ZNF134: variants seen among roughly 807,000 people sequenced by gnomAD.
ZNF134 encodes zinc finger protein 134.
A neutral mutation model predicts 2.5 loss-of-function variants in ZNF134; 5 were observed. The observed-to-expected ratio is 2.03, with a 90% CI of 1.06 to 4.27. ZNF134 has a LOEUF of 4.27. Ranked by LOEUF, ZNF134 falls within the 30% of genes most tolerant of loss-of-function variation. ZNF134 has a pLI of 0.00. For missense variants in ZNF134, 540 were observed against 517.5 expected (o/e 1.04, Z -0.42); for synonymous variants, 176 against 176.2 (o/e 1.00, Z 0.01).
At chr19:57,619,378 G>T in intron 1 of ZNF134, 34 bp from the exon 2 acceptor site, 1 of 1,516,960 alleles carries the variant, frequency 6.6e-7, no homozygotes, top group Admixed American at 2.0e-5. Context: ...CTCTCAGCCT[G>T]TTTCACCTTT....
chr19:57,620,701 C>T lies in ZNF134; in HGVS notation c.582C>T (p.His194=), dbSNP rs962438295. ...GCCGCAAAGACACACTTGTCCAGCACCAGAGAATTCATAGTGGAGAGAAGC... is the reference window on the plus strand; with the variant it reads ...GCCGCAAAGACACACTTGTCCAGCATCAGAGAATTCATAGTGGAGAGAAGC... ...AFSRKDTLVQ[H]QRIHSGEKPY... Residue 194 remains histidine (H), a synonymous_variant, in exon 3 of 3, where the codon CAC becomes CAT. Coordinates refer to ENST00000396161, the MANE Select transcript of ZNF134 (RefSeq NM_003435.5). 1.9e-6 allele frequency: 3 copies of T among 1,610,992 alleles called. No individual in the cohort carries two copies. The highest frequency in any genetic ancestry group is 2.5e-6 in the Non-Finnish European group (3 of 1,177,588).
chr19:57,621,287 C>T lies in ZNF134; in HGVS notation c.1168C>T (p.His390Tyr). Reference sequence around the variant, plus strand: ...TATCAGAACCTCCCACCTTGTTCGACACCAAAGAGTTCACACTGGAGAAAG... The same window carrying T: ...TATCAGAACCTCCCACCTTGTTCGATACCAAAGAGTTCACACTGGAGAAAG... ...DFIRTSHLVR[H>Y]QRVHTGERPY... Residue 390 changes from histidine to tyrosine, a missense_variant, in exon 3 of 3, where the codon CAC becomes TAC. Coordinates refer to ENST00000396161, the MANE Select transcript of ZNF134 (RefSeq NM_003435.5). 6.2e-7 allele frequency: 1 copy of T among 1,614,134 alleles called. No homozygotes were observed. Among genetic ancestry groups the T allele is most frequent in the Non-Finnish European group, 8.5e-7 (1 of 1,180,024 alleles).
Position 57,614,290 on chromosome 19 carries a change from T to G in ZNF134, c.-271T>G, listed in dbSNP as rs1476975434. 5 of 450,666 alleles carry G rather than the reference T, an allele frequency of 1.1e-5. No homozygotes were observed. The highest frequency in any genetic ancestry group is 1.8e-5 in the Non-Finnish European group (4 of 224,612). The allele number at this position is 450,666 out of a possible 1,614,324, so 27.9% of individuals were successfully genotyped here. A position where few individuals can be genotyped will look rare whatever the true frequency, so the allele number is the denominator to read the frequency against. ...TAGGTGGAACCATCGGAGCAGAAGC[T>G]CGGGGTTGCTGGGCGGTTCCGAGGT... is the stretch of plus-strand genomic sequence containing the variant. On this transcript the variant is annotated 5_prime_UTR_variant, in exon 1 of 3. Coordinates refer to ENST00000396161, the MANE Select transcript of ZNF134 (RefSeq NM_003435.5).
In ZNF134 at chr19:57,621,175, CT is replaced by C; in HGVS notation, c.1059del (p.Phe353LeufsTer59). The C allele has an allele frequency of 6.2e-7, 1 of 1,614,200 alleles. No homozygotes were observed. Among genetic ancestry groups the C allele is most frequent in the Non-Finnish European group, 8.5e-7 (1 of 1,180,024 alleles). On this transcript the variant is annotated frameshift_variant, in exon 3 of 3. Transcript: ENST00000396161. LOFTEE classifies it low-confidence loss of function (END_TRUNC). The part of the protein sequence containing the change: ...PFECIECGKF[F>X]SRSSDYIAHQ... ...TTGAGTGCATTGAATGCGGGAAATTCTTTAGTCGAAGTTCTGACTATATTGC... is the reference window on the plus strand; with the variant it reads ...TTGAGTGCATTGAATGCGGGAAATTCTTAGTCGAAGTTCTGACTATATTGC...
At chr19:57,615,265 T>C (rs1981020691) in intron 1 of ZNF134, among the ~76,000 whole-genome samples, 1 of 151,224 alleles carries the variant, frequency 6.6e-6, no homozygotes, top group Non-Finnish European at 1.5e-5. Flanking sequence ...AGAGAGGGAG[T>C]TGTGCTAGAG....
chr19:57,618,592 T>C (rs1981114584), intron 1 of ZNF134, among the ~76,000 whole-genome samples: 2 of 152,136 alleles, frequency 1.3e-5, no homozygotes, highest in Admixed American at 1.3e-4. Context: ...GTTTTATCTG[T>C]CCACTTGCCT....
At chr19:57,616,618 T>A (rs1454173780) in intron 1 of ZNF134, among the ~76,000 whole-genome samples, 1 of 152,116 alleles carries the variant, frequency 6.6e-6, no homozygotes, top group Non-Finnish European at 1.5e-5. Flanking sequence ...AGCACTGAGA[T>A]CTGAGTATCT....
chr19:57,620,825 G>C lies in ZNF134; in HGVS notation c.706G>C (p.Glu236Gln), dbSNP rs201779544. 6.2e-7 allele frequency: 1 copy of C among 1,614,190 alleles called. No individual in the cohort carries two copies. The highest frequency in any genetic ancestry group is 2.2e-5 in the East Asian group (1 of 44,876). Residue 236 changes from glutamate to glutamine, a missense_variant, in exon 3 of 3, where the codon GAA becomes CAA. Glu to Gln is a conservative substitution (Grantham distance 29). Coordinates refer to ENST00000396161, the MANE Select transcript of ZNF134 (RefSeq NM_003435.5). The part of the protein sequence containing the change: ...HTGERPYECS[E>Q]CGKTFSRKDN... ...TGGAGAAAGGCCTTATGAATGCAGC[G>C]AATGTGGAAAAACCTTCAGTCGAAA...
rs1599947159 is a variant in ZNF134, at chr19:57,624,126, A to G, written c.*2723A>G. ...GTGATATTCCCATGTCTTGACTCCC[A>G]GTGGCATTTGCCAAACTAGATTTCA... is the stretch of plus-strand genomic sequence containing the variant. On this transcript the variant is annotated 3_prime_UTR_variant, in exon 3 of 3. Coordinates refer to ENST00000396161, the MANE Select transcript of ZNF134 (RefSeq NM_003435.5). The G allele has an allele frequency of 1.3e-5, 2 of 152,256 alleles. No individual in the cohort carries two copies. The highest frequency in any genetic ancestry group is 4.1e-4 in the South Asian group (2 of 4,832). The allele number at this position is 152,256 out of a possible 1,614,324, so 9.4% of individuals were successfully genotyped here.
rs374612394 is a variant in ZNF134 at position 57,620,262 on chromosome 19, C to G, written c.143C>G (p.Thr48Arg). 1.2e-6 allele frequency: 2 copies of G among 1,614,174 alleles called. No homozygotes were observed. The highest frequency in any genetic ancestry group is 2.2e-5 in the East Asian group (1 of 44,884). The change falls in exon 3 of 3, where the codon ACG becomes AGG. Residue 48 changes from threonine (T) to arginine (R), a missense_variant. Transcript: ENST00000396161. ...TCCAAGGCAGGTTTGCCCGCACAGACGGCTCTCCCTTGTGACATATGTGGC... is the reference window on the plus strand; with the variant it reads ...TCCAAGGCAGGTTTGCCCGCACAGAGGGCTCTCCCTTGTGACATATGTGGC... ...NTSKAGLPAQ[T>R]ALPCDICGPI...
chr19:57,618,455 A>G (rs1339633283), intron 1 of ZNF134, among the ~76,000 whole-genome samples: 1 of 152,190 alleles, frequency 6.6e-6, no homozygotes, highest in Non-Finnish European at 1.5e-5. Context: ...TCATGAGCCC[A>G]GAGCTTTGGT....
At position 57,621,588 on chromosome 19, in the gene ZNF134, A is replaced by G; in HGVS notation, c.*185A>G. The G allele has an allele frequency of 6.6e-6, 6 of 907,646 alleles. No homozygotes were observed. The highest frequency in any genetic ancestry group is 1.1e-5 in the Non-Finnish European group (6 of 550,346). 56.2% of individuals were successfully genotyped at this position (907,646 alleles called of 1,614,324 possible). A position where few individuals can be genotyped will look rare whatever the true frequency, so the allele number is the denominator to read the frequency against. On this transcript the variant is annotated 3_prime_UTR_variant, in exon 3 of 3. Transcript: ENST00000396161. Reference sequence around the variant, plus strand: ...ACTGTCAATCCATGTGGCCGAAACCATCTTAACTCTACCAGCTAAGATACC... The same window carrying G: ...ACTGTCAATCCATGTGGCCGAAACCGTCTTAACTCTACCAGCTAAGATACC...
rs1379048239 is a variant in ZNF134, at chr19:57,623,946, A to G, written c.*2543A>G. On this transcript the variant is annotated 3_prime_UTR_variant, in exon 3 of 3. Coordinates refer to ENST00000396161, the MANE Select transcript of ZNF134 (RefSeq NM_003435.5). ...AAAGGGACCTTGAAAGTATGAAGTT[A>G]AAGGGTGTAGGCATGTAAAGTGTGA... 1.3e-5 allele frequency: 2 copies of G among 152,250 alleles called. No individual in the cohort carries two copies. The highest frequency in any genetic ancestry group is 2.9e-5 in the Non-Finnish European group (2 of 68,052). 9.4% of individuals were successfully genotyped at this position (152,250 alleles called of 1,614,324 possible).
rs974551325 is a variant in ZNF134 at position 57,624,642 on chromosome 19, A to G, written c.*3239A>G. The G allele has an allele frequency of 2.0e-5, 3 of 152,346 alleles. No individual in the cohort carries two copies. The South Asian group carries it at 6.2e-4, about 32-fold the overall frequency. The allele number at this position is 152,346 out of a possible 1,614,324, so 9.4% of individuals were successfully genotyped here. On this transcript the variant is annotated 3_prime_UTR_variant, in exon 3 of 3. Coordinates refer to ENST00000396161, the MANE Select transcript of ZNF134 (RefSeq NM_003435.5). Reference sequence around the variant, plus strand: ...ATTAGAAACCCAAACTTTGTTTTGCATGACTTGCTCTCAGGGGCACTCCCA... The same window carrying G: ...ATTAGAAACCCAAACTTTGTTTTGCGTGACTTGCTCTCAGGGGCACTCCCA...
Position 57,621,690 on chromosome 19 carries a change from T to G in ZNF134, c.*287T>G. 1 of 551,216 alleles carries G rather than the reference T, an allele frequency of 1.8e-6. No individual in the cohort carries two copies. The highest frequency in any genetic ancestry group is 3.3e-6 in the Non-Finnish European group (1 of 298,714). The allele number at this position is 551,216 out of a possible 1,614,324, so 34.1% of individuals were successfully genotyped here. A position where few individuals can be genotyped will look rare whatever the true frequency, so the allele number is the denominator to read the frequency against. On this transcript the variant is annotated 3_prime_UTR_variant, in exon 3 of 3. Coordinates refer to ENST00000396161, the MANE Select transcript of ZNF134 (RefSeq NM_003435.5). ...ATGAAATGCCTGAGTTCATTGGGGG[T>G]CCTCATTCCCTTCTGTATGACAGGT...
chr19:57,621,653 C>G lies in ZNF134; in HGVS notation c.*250C>G, dbSNP rs2122132320. The G allele has an allele frequency of 3.0e-6, 2 of 664,936 alleles. No individual in the cohort carries two copies. The highest frequency in any genetic ancestry group is 5.5e-6 in the Non-Finnish European group (2 of 365,440). The allele number at this position is 664,936 out of a possible 1,614,324, so 41.2% of individuals were successfully genotyped here. ...GGCAGGGTTTTGTATTGTCCAGTCC[C>G]TGGAGAAAATCATGAAATGCCTGAG... On this transcript the variant is annotated 3_prime_UTR_variant, in exon 3 of 3. Transcript: ENST00000396161.
chr19:57,615,186 T>G (rs1981018184), intron 1 of ZNF134, among the ~76,000 whole-genome samples: 1 of 152,080 alleles, frequency 6.6e-6, no homozygotes, highest in South Asian at 2.1e-4. Flanking sequence ...GGTTTTGGAC[T>G]TGGTGAATCT....
intron 1 of ZNF134, among the ~76,000 whole-genome samples, chr19:57,618,101 G>T (rs1195824776): frequency 6.6e-6 from 1 of 152,184 alleles, no homozygotes; most frequent in Non-Finnish European, 1.5e-5. Context: ...GGTTTTGAAT[G>T]AGTTAAATGT....
Position 57,620,775 on chromosome 19 carries a change from T to C in ZNF134, c.656T>C (p.Leu219Pro). The part of the protein sequence containing the change: ...CGKAFSRKAT[L>P]VQHQRIHTGE... ...AAAGCCTTCAGCCGCAAAGCTACAC[T>C]TGTCCAGCATCAGAGAATCCATACT... The change falls in exon 3 of 3, where the codon CTT becomes CCT. Residue 219 changes from leucine (L) to proline (P), a missense_variant. By Grantham distance (98) the Leu-to-Pro change is moderately conservative. Transcript: ENST00000396161. The C allele has an allele frequency of 6.2e-7, 1 of 1,613,862 alleles. No homozygotes were observed. The highest frequency in any genetic ancestry group is 2.2e-5 in the East Asian group (1 of 44,882).
Sources: gnomAD v4.1 joint callset for allele counts (sites outside exome capture counted in the v4.1 genomes callset) on GRCh38, gnomAD v4.1.1 for gene constraint, MANE v1.5 for transcripts, NCBI Gene and HGNC (gene_info 2026-07-23, HGNC 2026-07-21) for gene names.